SGCD: variants seen among roughly 807,000 people sequenced by gnomAD.
SGCD encodes sarcoglycan delta, also known as delta-sarcoglycan.
SGCD carries 18 observed loss-of-function variants against 36.6 expected under a neutral mutation model. The ratio of observed to expected loss-of-function variants is 0.49; its 90% confidence interval spans 0.34 to 0.73. SGCD has a LOEUF of 0.73. SGCD is among the 30% of genes least tolerant of loss of function. The pLI, the probability that SGCD is intolerant of heterozygous loss-of-function variation, is 0.01. For missense variants in SGCD, 387 were observed against 346.7 expected (o/e 1.12, Z -0.92); for synonymous variants, 133 against 130.6 (o/e 1.02, Z -0.12).
At chr5:155,980,745 C>T (rs981262783) in intron 1 of SGCD, among the ~76,000 whole-genome samples, 9 of 150,868 alleles carry the variant, frequency 6.0e-5, no homozygotes, top group East Asian at 2.0e-4. Flanking sequence ...ATTTAAAAGG[C>T]GATGTTAAAC....
intron 7 of SGCD, among the ~76,000 whole-genome samples, chr5:156,723,589 A>G (rs934559646): frequency 6.6e-6 from 1 of 152,236 alleles, no homozygotes; most frequent in Non-Finnish European, 1.5e-5. Flanking sequence ...CTACAAAAGC[A>G]TGTAATAGAA....
chr5:156,179,502 G>T (rs1386286278), intron 3 of SGCD, among the ~76,000 whole-genome samples: 1 of 151,904 alleles, frequency 6.6e-6, no homozygotes, highest in Non-Finnish European at 1.5e-5. Flanking sequence ...GAAAATCTTA[G>T]GGTCAAATGA....
chr5:156,297,781 G>T (rs562322809), intron 3 of SGCD, among the ~76,000 whole-genome samples: 1 of 141,222 alleles, frequency 7.1e-6, no homozygotes, highest in Non-Finnish European at 1.5e-5. Flanking sequence ...AAAACTTAAA[G>T]TATAATAAAA....
the SGCD span, among the ~76,000 whole-genome samples, chr5:155,766,201 C>A: frequency 6.6e-6 from 1 of 152,160 alleles, no homozygotes; most frequent in Non-Finnish European, 1.5e-5. Context: ...TCTCAGGGAA[C>A]AGGAAGCCAT....
chr5:155,983,261 G>C (rs1758265086), intron 1 of SGCD, among the ~76,000 whole-genome samples: 2 of 152,176 alleles, frequency 1.3e-5, no homozygotes, highest in African/African-American at 4.8e-5. Flanking sequence ...AGTTTTAACA[G>C]TTAAGTATCT....
chr5:156,468,074 T>G (rs780353052), intron 3 of SGCD, among the ~76,000 whole-genome samples: 20 of 152,114 alleles, frequency 1.3e-4, no homozygotes, highest in Non-Finnish European at 2.5e-4. Flanking sequence ...ATTGGCCAGG[T>G]GTTGTGGCTC....
At chr5:156,394,631 A>G (rs1464018056) in intron 3 of SGCD, among the ~76,000 whole-genome samples, 1 of 152,266 alleles carries the variant, frequency 6.6e-6, no homozygotes, top group Admixed American at 6.5e-5. Flanking sequence ...TTGTGTTGGT[A>G]TAAAAACTAA....
chr5:156,442,524 A>C (rs573524700), intron 3 of SGCD, among the ~76,000 whole-genome samples: 1 of 152,338 alleles, frequency 6.6e-6, no homozygotes, highest in East Asian at 1.9e-4. Context: ...CAAACGTACA[A>C]GTGTATATTT....
chr5:156,224,712 A>G (rs1764805559), intron 3 of SGCD, among the ~76,000 whole-genome samples: 1 of 152,168 alleles, frequency 6.6e-6, no homozygotes, highest in Non-Finnish European at 1.5e-5. Flanking sequence ...CCAGCAAACA[A>G]GGATACTCAC....
intron 3 of SGCD, among the ~76,000 whole-genome samples, chr5:156,229,277 C>CATATATATATATATATATATATATATAT (rs570200528): frequency 0.013 from 706 of 56,008 alleles, 54 homozygotes; most frequent in Middle Eastern, 0.019. Context: ...TATATACATA[C>CATATATATATATATATATATATATATAT]ATATATATAT....
At chr5:156,578,803 CTT>C (rs1409351048) in intron 4 of SGCD, among the ~76,000 whole-genome samples, 1 of 152,132 alleles carries the variant, frequency 6.6e-6, no homozygotes, top group Non-Finnish European at 1.5e-5. Context: ...AGTCTTCTCT[CTT>C]TTCTTCTGTA....
At chr5:155,889,544 G>A (rs935640312) in intron 1 of SGCD, among the ~76,000 whole-genome samples, 6 of 152,146 alleles carry the variant, frequency 3.9e-5, no homozygotes, top group African/African-American at 1.2e-4. Context: ...TTATTTATTA[G>A]AAGTCTGTAC....
At chr5:156,582,036 C>T (rs6887546) in intron 4 of SGCD, among the ~76,000 whole-genome samples, 25,584 of 152,116 alleles carry the variant, frequency 0.17, 2,349 homozygotes, top group African/African-American at 0.22. Flanking sequence ...CAGAGCTGTT[C>T]CTATTCAGCC....
At chr5:155,830,510 A>G in the SGCD span, among the ~76,000 whole-genome samples, 4 of 152,208 alleles carry the variant, frequency 2.6e-5, no homozygotes. Context: ...AATCCATAAC[A>G]ACAGCCAATA....
intron 3 of SGCD, among the ~76,000 whole-genome samples, chr5:156,426,840 A>AAG (rs1773693503): frequency 6.6e-6 from 1 of 152,104 alleles, no homozygotes; most frequent in African/African-American, 2.4e-5. Context: ...TTTGTTGAAA[A>AAG]TCAGTTGACT....
intron 1 of SGCD, among the ~76,000 whole-genome samples, chr5:155,910,076 G>A (rs1756600011): frequency 6.6e-6 from 1 of 151,916 alleles, no homozygotes; most frequent in African/African-American, 2.4e-5. Flanking sequence ...TTATGAATTT[G>A]TGGTTTTTAA....
intron 7 of SGCD, among the ~76,000 whole-genome samples, chr5:156,754,024 AATC>A (rs1055835158): frequency 6.6e-6 from 1 of 152,200 alleles, no homozygotes; most frequent in Non-Finnish European, 1.5e-5. Flanking sequence ...GCTTCCAGGA[AATC>A]ATCATCTCTA....
intron 3 of SGCD, among the ~76,000 whole-genome samples, chr5:156,211,073 A>G (rs1764427669): frequency 6.6e-6 from 1 of 152,128 alleles, no homozygotes; most frequent in Admixed American, 6.5e-5. Context: ...AGCATATAAT[A>G]TGTAATGGAG....
chr5:156,444,054 C>G (rs1753621400), intron 3 of SGCD, among the ~76,000 whole-genome samples: 1 of 145,368 alleles, frequency 6.9e-6, no homozygotes, highest in Admixed American at 6.9e-5. Context: ...TTTGGAGACT[C>G]TTTCTCTCCT....
Sources: gnomAD v4.1 joint callset for allele counts (sites outside exome capture counted in the v4.1 genomes callset) on GRCh38, gnomAD v4.1.1 for gene constraint, MANE v1.5 for transcripts, NCBI Gene and HGNC (gene_info 2026-07-23, HGNC 2026-07-21) for gene names.